Variants in OR2M5 observed in about 807,000 individuals in gnomAD.
OR2M5 encodes olfactory receptor family 2 subfamily M member 5.
For missense variants in OR2M5, 413 were observed against 389.3 expected (o/e 1.06, Z -0.51); for synonymous variants, 164 against 139.6 (o/e 1.18, Z -1.23).
Position 248,146,025 on chromosome 1 carries a change from G to A in OR2M5, c.878G>A (p.Arg293His), listed in dbSNP as rs138811069. 1.2e-4 allele frequency: 188 copies of A among 1,613,726 alleles called. 1 individual carries two copies. In the East Asian group the frequency reaches 1.7e-3, roughly 15 times the overall value. ...PMLNPLIYSL[R>H]NKEVTRALRK... ...CTGAATCCCCTCATCTACAGCCTCC[G>A]CAACAAGGAGGTGACCAGAGCACTC... is the stretch of plus-strand genomic sequence containing the variant. Residue 293 changes from arginine to histidine, a missense_variant, in exon 1 of 1, where the codon CGC (arginine) becomes CAC (histidine). Coordinates refer to ENST00000366476, the MANE Select transcript of OR2M5 (RefSeq NM_001004690.1).
Position 248,146,005 on chromosome 1 carries a change from T to C in OR2M5, c.858T>C (p.Asn286=). The part of the protein sequence containing the change: ...VFYTILTPML[N]PLIYSLRNKE... The stretch of plus-strand genomic sequence containing the variant: ...ACACCATCCTCACTCCCATGCTGAA[T>C]CCCCTCATCTACAGCCTCCGCAACA... Residue 286 remains asparagine (N), a synonymous_variant, in exon 1 of 1, where the codon AAT becomes AAC. Transcript: ENST00000366476. 1.2e-6 allele frequency: 2 copies of C among 1,613,840 alleles called. No homozygotes were observed. The highest frequency in any genetic ancestry group is 1.7e-6 in the Non-Finnish European group (2 of 1,179,908).
At position 248,145,701 on chromosome 1, in the gene OR2M5, T is replaced by A; in HGVS notation, c.554T>A (p.Leu185Gln). 6.2e-7 allele frequency: 1 copy of A among 1,613,810 alleles called. No individual in the cohort carries two copies. Among genetic ancestry groups the A allele is most frequent in the Non-Finnish European group, 8.5e-7 (1 of 1,179,804 alleles). Residue 185 changes from leucine to glutamine, a missense_variant, in exon 1 of 1, where the codon CTA becomes CAA. Coordinates refer to ENST00000366476, the MANE Select transcript of OR2M5 (RefSeq NM_001004690.1). ...TTCTTCTGTGACTTCCCTTCCCTAC[T>A]AATCCTCTCATGCAATGACACATCA... is the stretch of plus-strand genomic sequence containing the variant. Reference protein sequence around the residue: ...AHFFCDFPSLLILSCNDTSIF... With the variant: ...AHFFCDFPSLQILSCNDTSIF...
rs781213448 is a variant in OR2M5 at position 248,145,425 on chromosome 1, C to T, written c.278C>T (p.Ser93Phe). ...TACTTGTCTGGCAGCAAGTCCATTT[C>T]TATGGCTGGTTGTGCCACACAAATT... ...FNYLSGSKSI[S>F]MAGCATQIFF... Residue 93 changes from serine (S) to phenylalanine (F), a missense_variant, in exon 1 of 1, where the codon TCT (serine) becomes TTT (phenylalanine). Transcript: ENST00000366476. The T allele has an allele frequency of 6.2e-7, 1 of 1,614,106 alleles. No individual in the cohort carries two copies. The highest frequency in any genetic ancestry group is 1.1e-5 in the South Asian group (1 of 91,088).
In OR2M5 at chr1:248,145,642, C is replaced by T; in HGVS notation, c.495C>T (p.Ser165=). Reference sequence around the variant, plus strand: ...TCATTGATGCTGTAGCGACATTTTCCTTCTCCTACTGTGGGTCTCGGGAAA... The same window carrying T: ...TCATTGATGCTGTAGCGACATTTTCTTTCTCCTACTGTGGGTCTCGGGAAA... ...DAIIDAVATF[S]FSYCGSREIA... The change falls in exon 1 of 1, where the codon TCC becomes TCT. Residue 165 remains serine (S), a synonymous_variant. Coordinates refer to ENST00000366476, the MANE Select transcript of OR2M5 (RefSeq NM_001004690.1). The T allele has an allele frequency of 6.2e-7, 1 of 1,613,792 alleles. No homozygotes were observed. The highest frequency in any genetic ancestry group is 8.5e-7 in the Non-Finnish European group (1 of 1,179,790).
rs759850589 is a variant in OR2M5 at position 248,145,512 on chromosome 1, G to A, written c.365G>A (p.Arg122His). The change falls in exon 1 of 1, where the codon CGC (arginine) becomes CAC (histidine). Residue 122 changes from arginine to histidine, a missense_variant. Arg to His is a conservative substitution (Grantham distance 29, BLOSUM62 0). Transcript: ENST00000366476. Reference protein sequence around the residue: ...CFLLAVMSYDRYIAICHPLRY... With the variant: ...CFLLAVMSYDHYIAICHPLRY... Reference sequence around the variant, plus strand: ...CTGTTGGCTGTTATGTCTTATGACCGCTATATTGCCATTTGCCACCCTCTA... The same window carrying A: ...CTGTTGGCTGTTATGTCTTATGACCACTATATTGCCATTTGCCACCCTCTA... The A allele has an allele frequency of 3.9e-5, 63 of 1,613,790 alleles. No homozygotes were observed. The highest frequency in any genetic ancestry group is 1.9e-4 in the South Asian group (17 of 91,074).
Position 248,145,289 on chromosome 1 carries a change from C to T in OR2M5, c.142C>T (p.Leu48Phe). The part of the protein sequence containing the change: ...AFMGNSVMVL[L>F]IYLDTQLHTP... The stretch of plus-strand genomic sequence containing the variant: ...CATGGGAAACTCTGTCATGGTTCTC[C>T]TCATCTACCTGGACACCCAGCTCCA... The change falls in exon 1 of 1, where the codon CTC (leucine) becomes TTC (phenylalanine). Residue 48 changes from leucine to phenylalanine, a missense_variant. Transcript: ENST00000366476. The T allele has an allele frequency of 9.3e-6, 15 of 1,613,770 alleles. No homozygotes were observed. The highest frequency in any genetic ancestry group is 1.3e-5 in the Non-Finnish European group (15 of 1,179,898).
Position 248,145,940 on chromosome 1 carries a change from G to T in OR2M5, c.793G>T (p.Asp265Tyr). 19 of 1,613,890 alleles carry T rather than the reference G, an allele frequency of 1.2e-5. No homozygotes were observed. The highest frequency in any genetic ancestry group is 1.6e-5 in the Non-Finnish European group (19 of 1,179,934). Residue 265 changes from aspartate (D) to tyrosine (Y), a missense_variant, in exon 1 of 1, where the codon GAT becomes TAT. Transcript: ENST00000366476. ...GLFMYIRPTS[D>Y]RSPMQDKLVS... ...GTTCATGTACATACGGCCCACATCT[G>T]ATCGCTCCCCTATGCAGGACAAGCT...
chr1:248,145,340 C>T lies in OR2M5; in HGVS notation c.193C>T (p.Gln65Ter), dbSNP rs973531141. ...LHTPMYFLLS[Q>*]LFLMDLMLIC... Reference sequence around the variant, plus strand: ...CACCCCCATGTACTTCCTCCTCAGTCAACTGTTCCTCATGGACCTCATGCT... The same window carrying T: ...CACCCCCATGTACTTCCTCCTCAGTTAACTGTTCCTCATGGACCTCATGCT... The change falls in exon 1 of 1, where the codon CAA (glutamine) becomes TAA (stop). Residue 65 changes from glutamine to a stop codon, truncating the protein, a stop_gained. Transcript: ENST00000366476. LOFTEE classifies it low-confidence loss of function (END_TRUNC). 4 of 1,613,942 alleles carry T rather than the reference C, an allele frequency of 2.5e-6. No individual in the cohort carries two copies. The African/African-American group carries it at 5.3e-5, about 22-fold the overall frequency.
rs751216901 is a variant in OR2M5 at position 248,145,843 on chromosome 1, G to A, written c.696G>A (p.Glu232=). The change falls in exon 1 of 1, where the codon GAG becomes GAA. Residue 232 remains glutamate (E), a synonymous_variant. Transcript: ENST00000366476. The part of the protein sequence containing the change: ...ILAVIHMGSG[E]GRRKAFTTCS... ...CTGTCATTCACATGGGATCTGGAGA[G>A]GGTCGTCGCAAAGCTTTTACTACCT... 1.2e-6 allele frequency: 2 copies of A among 1,613,270 alleles called. No individual in the cohort carries two copies. Among genetic ancestry groups the A allele is most frequent in the Non-Finnish European group, 1.7e-6 (2 of 1,179,822 alleles).
chr1:248,145,843 G>C lies in OR2M5; in HGVS notation c.696G>C (p.Glu232Asp), dbSNP rs751216901. ...CTGTCATTCACATGGGATCTGGAGAGGGTCGTCGCAAAGCTTTTACTACCT... is the reference window on the plus strand; with the variant it reads ...CTGTCATTCACATGGGATCTGGAGACGGTCGTCGCAAAGCTTTTACTACCT... ...ILAVIHMGSG[E>D]GRRKAFTTCS... Residue 232 changes from glutamate to aspartate, a missense_variant, in exon 1 of 1, where the codon GAG (glutamate) becomes GAC (aspartate). Coordinates refer to ENST00000366476, the MANE Select transcript of OR2M5 (RefSeq NM_001004690.1). The C allele has an allele frequency of 1.2e-6, 2 of 1,613,270 alleles. No individual in the cohort carries two copies. Among genetic ancestry groups the C allele is most frequent in the Non-Finnish European group, 1.7e-6 (2 of 1,179,822 alleles).
Position 248,145,496 on chromosome 1 carries a change from G to A in OR2M5, c.349G>A (p.Val117Ile), listed in dbSNP as rs757378386. ...LLGSECFLLA[V>I]MSYDRYIAIC... ...TGGCTCCGAATGCTTTCTGTTGGCT[G>A]TTATGTCTTATGACCGCTATATTGC... Residue 117 changes from valine to isoleucine, a missense_variant, in exon 1 of 1, where the codon GTT (valine) becomes ATT (isoleucine). By Grantham distance (29) the Val-to-Ile change is conservative. Transcript: ENST00000366476. The A allele has an allele frequency of 1.2e-6, 2 of 1,613,880 alleles. No individual in the cohort carries two copies. The highest frequency in any genetic ancestry group is 1.7e-6 in the Non-Finnish European group (2 of 1,179,938).
At position 248,146,083 on chromosome 1, in the gene OR2M5, G is replaced by A; in HGVS notation, c.936G>A (p.Glu312=). 3 of 1,603,270 alleles carry A rather than the reference G, an allele frequency of 1.9e-6. No individual in the cohort carries two copies. Among genetic ancestry groups the A allele is most frequent in the Non-Finnish European group, 2.6e-6 (3 of 1,174,364 alleles). The change falls in exon 1 of 1, where the codon GAG becomes GAA. Residue 312 remains glutamate, a synonymous_variant. Transcript: ENST00000366476. ...RKVLGKGKCG[E] The stretch of plus-strand genomic sequence containing the variant: ...TGTTAGGAAAGGGCAAGTGTGGAGA[G>A]TGAGTACTTTGTAAACTTTATGCTT...
rs777240346 is a variant in OR2M5 at position 248,145,253 on chromosome 1, T to A, written c.106T>A (p.Ser36Thr). 39 of 1,613,930 alleles carry A rather than the reference T, an allele frequency of 2.4e-5. No individual in the cohort carries two copies. In the East Asian group the frequency reaches 8.7e-4, roughly 36 times the overall value. ...CTTCTTTCTGGTCCTGGCCATCTTT[T>A]CAGTGGCCTTCATGGGAAACTCTGT... is the stretch of plus-strand genomic sequence containing the variant. The part of the protein sequence containing the change: ...FLFFLVLAIF[S>T]VAFMGNSVMV... The change falls in exon 1 of 1, where the codon TCA (serine) becomes ACA (threonine). Residue 36 changes from serine to threonine, a missense_variant. Ser to Thr is a moderately conservative substitution (Grantham distance 58, BLOSUM62 1). Transcript: ENST00000366476.
rs1390208898 is a variant in OR2M5, at chr1:248,145,880, C to T, written c.733C>T (p.Leu245Phe). The change falls in exon 1 of 1, where the codon CTC (leucine) becomes TTC (phenylalanine). Residue 245 changes from leucine (L) to phenylalanine (F), a missense_variant. Physicochemically the swap from Leu to Phe is conservative, Grantham distance 22. Coordinates refer to ENST00000366476, the MANE Select transcript of OR2M5 (RefSeq NM_001004690.1). ...RKAFTTCSSH[L>F]MVVGMYYGAG... ...AGCTTTTACTACCTGTTCCTCTCAC[C>T]TCATGGTGGTGGGAATGTACTATGG... 5 of 1,613,860 alleles carry T rather than the reference C, an allele frequency of 3.1e-6. No homozygotes were observed. The highest frequency in any genetic ancestry group is 4.2e-6 in the Non-Finnish European group (5 of 1,179,928).
At position 248,145,231 on chromosome 1, in the gene OR2M5, C is replaced by G. The variant is rs1308735040; in HGVS notation, c.84C>G (p.Phe28Leu). The change falls in exon 1 of 1, where the codon TTC becomes TTG. Residue 28 changes from phenylalanine (F) to leucine (L), a missense_variant. Phe to Leu is a conservative substitution (Grantham distance 22). Transcript: ENST00000366476. ...FNHSPTHTFL[F>L]FLVLAIFSVA... ...ACAGCCCCACCCACACCTTCCTCTT[C>G]TTTCTGGTCCTGGCCATCTTTTCAG... 2.5e-6 allele frequency: 4 copies of G among 1,614,004 alleles called. No individual in the cohort carries two copies. The highest frequency in any genetic ancestry group is 1.7e-4 in the Middle Eastern group (1 of 6,058).
rs143666857 is a variant in OR2M5 at position 248,145,793 on chromosome 1, G to A, written c.646G>A (p.Ala216Thr). 9.7e-4 allele frequency: 1,559 copies of A among 1,611,302 alleles called. 13 individuals are homozygous for A. The African/African-American group carries it at 0.012, about 12-fold the overall frequency. Residue 216 changes from alanine (A) to threonine (T), a missense_variant, in exon 1 of 1, where the codon GCT (alanine) becomes ACT (threonine). Transcript: ENST00000366476. ...MIVFPVAIIIASYARVILAVI... is the reference protein window; with the variant it reads ...MIVFPVAIIITSYARVILAVI... The stretch of plus-strand genomic sequence containing the variant: ...TGTTTTTCCTGTTGCAATCATCATC[G>A]CTTCCTATGCTCGAGTTATTCTGGC...
rs147151488 is a variant in OR2M5, at chr1:248,146,071, C to A, written c.924C>A (p.Gly308=). 1.3e-5 allele frequency: 21 copies of A among 1,611,492 alleles called. No homozygotes were observed. Among genetic ancestry groups the A allele is most frequent in the Non-Finnish European group, 1.8e-5 (21 of 1,178,688 alleles). ...TRALRKVLGK[G]KCGE The stretch of plus-strand genomic sequence containing the variant: ...CACTCAGGAAAGTGTTAGGAAAGGG[C>A]AAGTGTGGAGAGTGAGTACTTTGTA... Residue 308 remains glycine (G), a synonymous_variant, in exon 1 of 1, where the codon GGC becomes GGA. Coordinates refer to ENST00000366476, the MANE Select transcript of OR2M5 (RefSeq NM_001004690.1).
chr1:248,145,305 C>T lies in OR2M5; in HGVS notation c.158C>T (p.Thr53Ile), dbSNP rs1665409751. 2 of 1,613,982 alleles carry T rather than the reference C, an allele frequency of 1.2e-6. No homozygotes were observed. The highest frequency in any genetic ancestry group is 8.5e-7 in the Non-Finnish European group (1 of 1,179,966). ...SVMVLLIYLD[T>I]QLHTPMYFLL... is the part of the protein sequence containing the mutation. ...ATGGTTCTCCTCATCTACCTGGACA[C>T]CCAGCTCCACACCCCCATGTACTTC... Residue 53 changes from threonine to isoleucine, a missense_variant, in exon 1 of 1, where the codon ACC becomes ATC. Thr to Ile is a moderately conservative substitution (Grantham distance 89). Coordinates refer to ENST00000366476, the MANE Select transcript of OR2M5 (RefSeq NM_001004690.1).
rs973531141 is a variant in OR2M5 at position 248,145,340 on chromosome 1, C to A, written c.193C>A (p.Gln65Lys). ...LHTPMYFLLS[Q>K]LFLMDLMLIC... ...CACCCCCATGTACTTCCTCCTCAGT[C>A]AACTGTTCCTCATGGACCTCATGCT... Residue 65 changes from glutamine (Q) to lysine (K), a missense_variant, in exon 1 of 1, where the codon CAA becomes AAA. By Grantham distance (53) the Gln-to-Lys change is moderately conservative. Coordinates refer to ENST00000366476, the MANE Select transcript of OR2M5 (RefSeq NM_001004690.1). 2.5e-6 allele frequency: 4 copies of A among 1,613,942 alleles called. No individual in the cohort carries two copies. The highest frequency in any genetic ancestry group is 1.3e-5 in the African/African-American group (1 of 74,908).
Sources: allele counts gnomAD v4.1 joint callset, GRCh38; gene constraint gnomAD v4.1.1; transcripts MANE v1.5; gene names NCBI Gene and HGNC (gene_info 2026-07-23, HGNC 2026-07-21).